ADAMTSL1: variants seen among roughly 807,000 people sequenced by gnomAD.
ADAMTSL1 encodes the protein ADAMTS-like protein 1.
In ADAMTSL1, 126 loss-of-function variants were observed where a neutral mutation model predicts 201.8. That is an observed-to-expected ratio of 0.62 (90% CI 0.54 to 0.72). The LOEUF (loss-of-function observed/expected upper bound fraction) is 0.72. ADAMTSL1 is among the 30% of genes least tolerant of loss of function. ADAMTSL1 has a pLI of 0.00. For synonymous variants in ADAMTSL1, 1,121 were observed against 903.4 expected, an observed-to-expected ratio of 1.24 and a Z score of -4.32; for missense variants, 2,679 against 2,277.8, an observed-to-expected ratio of 1.18 and a Z score of -3.59.
intron 1 of ADAMTSL1, among the ~76,000 whole-genome samples, chr9:17,924,684 A>G (rs1170745056): frequency 5.4e-5 from 8 of 149,238 alleles, no homozygotes; most frequent in Non-Finnish European, 1.0e-4. Flanking sequence ...CCTTCCTTAC[A>G]CCTTATACAA....
chr9:18,206,391 T>G (rs1829650176), intron 2 of ADAMTSL1, among the ~76,000 whole-genome samples: 1 of 152,138 alleles, frequency 6.6e-6, no homozygotes, highest in Non-Finnish European at 1.5e-5. Context: ...GGTCCTGCGT[T>G]GCCCTCTCCC....
chr9:18,315,848 G>A (rs1458927218), intron 2 of ADAMTSL1, among the ~76,000 whole-genome samples: 1 of 152,228 alleles, frequency 6.6e-6, no homozygotes, highest in African/African-American at 2.4e-5. Context: ...GAGGCGCAGA[G>A]AGCGAGCGAG....
chr9:18,293,698 A>T (rs967348769), intron 2 of ADAMTSL1, among the ~76,000 whole-genome samples: 4 of 152,188 alleles, frequency 2.6e-5, no homozygotes, highest in Non-Finnish European at 5.9e-5. Context: ...GCAGGATTGT[A>T]TGTGGGCTCC....
At chr9:18,188,967 G>C (rs1828857537) in intron 2 of ADAMTSL1, among the ~76,000 whole-genome samples, 2 of 152,154 alleles carry the variant, frequency 1.3e-5, no homozygotes, top group African/African-American at 4.8e-5. Flanking sequence ...GCTTGCTTAG[G>C]TCACACTGTT....
At chr9:18,517,406 C>CT (rs760198835) in intron 2 of ADAMTSL1, among the ~76,000 whole-genome samples, 77 of 149,686 alleles carry the variant, frequency 5.1e-4, no homozygotes, top group Middle Eastern at 3.4e-3. Flanking sequence ...TCATCTTTTT[C>CT]TTTTTTTTTA....
chr9:18,630,001 C>G (rs534123153), intron 5 of ADAMTSL1, among the ~76,000 whole-genome samples: 48 of 151,952 alleles, frequency 3.2e-4, no homozygotes, highest in African/African-American at 1.1e-3. Context: ...TTGTTTGTTT[C>G]TTTGCGTGCC....
chr9:18,646,424 A>T (rs1827815898), intron 7 of ADAMTSL1, among the ~76,000 whole-genome samples: 1 of 151,862 alleles, frequency 6.6e-6, no homozygotes, highest in Admixed American at 6.6e-5. Context: ...TTCCAGCACT[A>T]TGTTGAATAG....
chr9:18,141,635 G>T (rs1332583884), intron 1 of ADAMTSL1, among the ~76,000 whole-genome samples: 1 of 152,134 alleles, frequency 6.6e-6, no homozygotes, highest in Non-Finnish European at 1.5e-5. Context: ...TTGGTGGCCT[G>T]CTCTTTGTGG....
chr9:18,564,300 G>A (rs895940708), intron 3 of ADAMTSL1, among the ~76,000 whole-genome samples: 11 of 152,130 alleles, frequency 7.2e-5, no homozygotes, highest in Non-Finnish European at 1.5e-4. Context: ...CTGGTGAGGC[G>A]ACGCACCACC....
chr9:18,684,678 A>G (rs1186754318), intron 12 of ADAMTSL1, 38 bp from the exon 13 acceptor site: 2 of 1,601,556 alleles, frequency 1.2e-6, no homozygotes, highest in African/African-American at 1.3e-5. Context: ...GATTGGTTCT[A>G]ACCTCTTCTT....
chr9:18,600,787 A>G (rs1824598489), intron 4 of ADAMTSL1, among the ~76,000 whole-genome samples: 2 of 152,184 alleles, frequency 1.3e-5, no homozygotes, highest in Non-Finnish European at 2.9e-5. Context: ...CAACTACTCA[A>G]ATTTTTAAAA....
At chr9:18,156,103 G>C (rs1478866638) in intron 1 of ADAMTSL1, among the ~76,000 whole-genome samples, 3 of 151,976 alleles carry the variant, frequency 2.0e-5, no homozygotes, top group Non-Finnish European at 4.4e-5. Context: ...TCCTCAGAGA[G>C]CTCTGCCTTT....
chr9:18,554,831 A>G (rs980020366), intron 3 of ADAMTSL1, among the ~76,000 whole-genome samples: 4 of 151,752 alleles, frequency 2.6e-5, no homozygotes, highest in African/African-American at 9.7e-5. Context: ...GTCCTGTCCC[A>G]GAGTGGTACA....
At chr9:18,554,492 A>G (rs1820988523) in intron 3 of ADAMTSL1, among the ~76,000 whole-genome samples, 1 of 151,780 alleles carries the variant, frequency 6.6e-6, no homozygotes, top group South Asian at 2.1e-4. Context: ...GGGTGACCCA[A>G]TGCGAATCCA....
At chr9:18,603,061 C>T (rs1216046241) in intron 4 of ADAMTSL1, among the ~76,000 whole-genome samples, 6 of 152,166 alleles carry the variant, frequency 3.9e-5, no homozygotes, top group African/African-American at 1.4e-4. Context: ...TATTTTAAAA[C>T]ACCAACTAAC....
At chr9:18,449,090 C>G (rs367995445) in intron 2 of ADAMTSL1, among the ~76,000 whole-genome samples, 1 of 130,556 alleles carries the variant, frequency 7.7e-6, no homozygotes, top group African/African-American at 2.5e-5. Flanking sequence ...TTTTAACTTC[C>G]GCATTTATTC....
At chr9:17,983,878 T>C (rs983622875) in intron 1 of ADAMTSL1, among the ~76,000 whole-genome samples, 1 of 152,174 alleles carries the variant, frequency 6.6e-6, no homozygotes, top group African/African-American at 2.4e-5. Flanking sequence ...GGATGTTTAA[T>C]TATCTTATTT....
chr9:18,064,597 T>A (rs1822610173), intron 1 of ADAMTSL1, among the ~76,000 whole-genome samples: 1 of 152,172 alleles, frequency 6.6e-6, no homozygotes, highest in Non-Finnish European at 1.5e-5. Context: ...CTCTCCTTTT[T>A]ATATGCCCTA....
chr9:18,185,854 A>G (rs1828707959), intron 2 of ADAMTSL1, among the ~76,000 whole-genome samples: 1 of 8,752 alleles, frequency 1.1e-4, no homozygotes, highest in Admixed American at 3.0e-3. Flanking sequence ...ATGTAATACA[A>G]TTGGGAAAAA....
Sources: allele counts gnomAD v4.1 joint callset (sites outside exome capture counted in the v4.1 genomes callset), GRCh38; gene constraint gnomAD v4.1.1; transcripts MANE v1.5; gene names NCBI Gene and HGNC (gene_info 2026-07-23, HGNC 2026-07-21).